Variants in LRRC20 observed in about 807,000 individuals in gnomAD.
The protein encoded by LRRC20 is leucine rich repeat containing 20.
LRRC20 carries 11 observed loss-of-function variants against 14.4 expected under a neutral mutation model. The ratio of observed to expected loss-of-function variants is 0.77; its 90% CI spans 0.48 to 1.27. The LOEUF (loss-of-function observed/expected upper bound fraction) is 1.27. Ranked by LOEUF, LRRC20 falls within the 50% of genes most tolerant of loss-of-function variation. The pLI is 0.00. For synonymous variants in LRRC20, 121 were observed against 107.3 expected (o/e 1.13, Z -0.79); for missense variants, 219 against 251.2 (o/e 0.87, Z 0.87).
At chr10:70,372,444 C>A (rs117726930) in intron 2 of LRRC20, among the ~76,000 whole-genome samples, 4,573 of 96,960 alleles carry the variant, frequency 0.047, 119 homozygotes, top group East Asian at 0.074. Flanking sequence ...TCCTTCTTTT[C>A]GTTTTTTTTT....
intron 4 of LRRC20, among the ~76,000 whole-genome samples, chr10:70,302,771 C>T (rs570351558): frequency 6.1e-4 from 91 of 149,862 alleles, no homozygotes; most frequent in Non-Finnish European, 9.9e-4. Flanking sequence ...AGTGCAGTGG[C>T]GCGATCTCGA....
intron 2 of LRRC20, among the ~76,000 whole-genome samples, chr10:70,361,812 A>G (rs767761505): frequency 1.3e-5 from 2 of 152,092 alleles, no homozygotes; most frequent in African/African-American, 4.8e-5. Flanking sequence ...AGGAATCTCG[A>G]GGATGAACTG....
chr10:70,359,330 G>A (rs1380581512), intron 2 of LRRC20, among the ~76,000 whole-genome samples: 1 of 152,192 alleles, frequency 6.6e-6, no homozygotes, highest in Non-Finnish European at 1.5e-5. Context: ...GCAGAGATGG[G>A]AGGATCATTT....
At chr10:70,309,916 G>A (rs76425541) in intron 4 of LRRC20, among the ~76,000 whole-genome samples, 11,884 of 152,310 alleles carry the variant, frequency 0.078, 558 homozygotes, top group Middle Eastern at 0.21. Flanking sequence ...TAGTGGGAGC[G>A]GCACTGCCGG....
At chr10:70,356,172 A>G (rs1002108077) in intron 2 of LRRC20, among the ~76,000 whole-genome samples, 7 of 152,158 alleles carry the variant, frequency 4.6e-5, no homozygotes, top group Non-Finnish European at 1.0e-4. Context: ...CTTAACTCCA[A>G]TCTCAGTTTC....
chr10:70,302,392 A>AG (rs1469257939), intron 4 of LRRC20, among the ~76,000 whole-genome samples: 2 of 152,192 alleles, frequency 1.3e-5, no homozygotes, highest in Non-Finnish European at 2.9e-5. Flanking sequence ...CACTTATGTG[A>AG]GGTACATAGA....
chr10:70,373,254 C>CTTT (rs1299967219), intron 2 of LRRC20, among the ~76,000 whole-genome samples: 4 of 138,008 alleles, frequency 2.9e-5, no homozygotes, highest in African/African-American at 8.0e-5. Flanking sequence ...TACCACTCCT[C>CTTT]CAGAAAGCCT....
At chr10:70,357,245 T>C (rs890103677) in intron 2 of LRRC20, among the ~76,000 whole-genome samples, 3 of 152,182 alleles carry the variant, frequency 2.0e-5, no homozygotes, top group Non-Finnish European at 4.4e-5. Context: ...CAGGGTTTCT[T>C]TTTTGGGTGA....
intron 4 of LRRC20, among the ~76,000 whole-genome samples, chr10:70,307,333 A>G (rs1221147752): frequency 6.6e-6 from 1 of 152,200 alleles, no homozygotes; most frequent in Non-Finnish European, 1.5e-5. Context: ...CAATGTGGGA[A>G]AGTCTTTGGA....
At chr10:70,367,467 G>A (rs932886509) in intron 2 of LRRC20, among the ~76,000 whole-genome samples, 1 of 152,180 alleles carries the variant, frequency 6.6e-6, no homozygotes, top group Non-Finnish European at 1.5e-5. Context: ...TTCAGCAGAT[G>A]AAAGGATAAA....
At chr10:70,374,253 A>G (rs7085025) in intron 2 of LRRC20, among the ~76,000 whole-genome samples, 147,443 of 152,098 alleles carry the variant, frequency 0.97, 71,612 homozygotes, top group Non-Finnish European at 1. Context: ...CAGCTTCCCC[A>G]ACGCCCCGGT....
At chr10:70,343,002 T>C (rs1375372192) in intron 2 of LRRC20, among the ~76,000 whole-genome samples, 1 of 152,172 alleles carries the variant, frequency 6.6e-6, no homozygotes, top group African/African-American at 2.4e-5. Context: ...AGCAATAAAA[T>C]ATGGTTTTAA....
intron 2 of LRRC20, among the ~76,000 whole-genome samples, chr10:70,357,970 A>G (rs1843593591): frequency 6.6e-6 from 1 of 152,246 alleles, no homozygotes; most frequent in African/African-American, 2.4e-5. Context: ...TCTTCCTGCA[A>G]GGAAAGCATC....
intron 4 of LRRC20, among the ~76,000 whole-genome samples, chr10:70,321,955 G>A (rs1238963713): frequency 6.6e-6 from 1 of 152,204 alleles, no homozygotes; most frequent in African/African-American, 2.4e-5. Context: ...TATGCAAGAG[G>A]AGCCAAAACA....
At chr10:70,376,777 C>T (rs903480121) in intron 1 of LRRC20, 181 bp from the exon 2 acceptor site, 2 of 532,568 alleles carry the variant, frequency 3.8e-6, no homozygotes, top group Non-Finnish European at 6.8e-6. Flanking sequence ...TTGGCCTTTG[C>T]ACAAGCTGGT....
intron 2 of LRRC20, among the ~76,000 whole-genome samples, chr10:70,361,018 C>T (rs914999093): frequency 2.0e-5 from 3 of 148,924 alleles, no homozygotes; most frequent in Non-Finnish European, 3.0e-5. Context: ...CCACTGCACC[C>T]GACTGGAAGA....
intron 2 of LRRC20, among the ~76,000 whole-genome samples, chr10:70,350,683 C>A (rs1843266540): frequency 6.6e-6 from 1 of 152,218 alleles, no homozygotes; most frequent in South Asian, 2.1e-4. Context: ...CCCTGCCAAC[C>A]AAGTCACAGG....
intron 1 of LRRC20, among the ~76,000 whole-genome samples, chr10:70,379,621 G>C (rs998270778): frequency 6.6e-6 from 1 of 152,204 alleles, no homozygotes; most frequent in Non-Finnish European, 1.5e-5. Flanking sequence ...GCTTTCTGAA[G>C]AACAGCACTG....
At chr10:70,328,896 C>T (rs1564622768) in intron 3 of LRRC20, among the ~76,000 whole-genome samples, 1 of 152,166 alleles carries the variant, frequency 6.6e-6, no homozygotes. Context: ...CCAGCCTGGG[C>T]AACAGAGTGA....
Sources: gnomAD v4.1 joint callset for allele counts (sites outside exome capture counted in the v4.1 genomes callset) on GRCh38, gnomAD v4.1.1 for gene constraint, MANE v1.5 for transcripts, NCBI Gene and HGNC (gene_info 2026-07-23, HGNC 2026-07-21) for gene names.